Variants in MFN2 observed in about 807,000 individuals in gnomAD.
MFN2 encodes the protein mitofusin 2.
In MFN2, 43 loss-of-function variants were observed where a neutral mutation model predicts 87.5. The ratio of observed to expected loss-of-function variants is 0.49; its 90% confidence interval spans 0.38 to 0.63. The LOEUF is 0.63. Among genes scored for constraint, MFN2 ranks in the 30% least tolerant of loss-of-function variants. MFN2 has a pLI of 0.00. For missense variants in MFN2, 743 were observed against 972.8 expected (o/e 0.76, Z 3.14); for synonymous variants, 337 against 359.9 (o/e 0.94, Z 0.72).
chr1:12,005,075 C>A, intron 14 of MFN2, 148 bp downstream of exon 14: 2 of 716,006 alleles, frequency 2.8e-6, no homozygotes, highest in South Asian at 1.6e-5. Flanking sequence ...GGTACATGTT[C>A]TGAACTCATT....
At chr1:11,995,102 C>T (rs1410817043) in intron 4 of MFN2, among the ~76,000 whole-genome samples, 1 of 151,944 alleles carries the variant, frequency 6.6e-6, no homozygotes, top group South Asian at 2.1e-4. Context: ...ATTAGCTGGG[C>T]GTGGTCGCAG....
Position 12,004,946 on chromosome 1 carries a change from C to G in MFN2, c.1495+19C>G. On this transcript the variant is annotated intron_variant, in intron 14 of 18. Transcript: ENST00000235329. The surrounding 1 kb of genome is among the most constrained non-coding windows in gnomAD (Gnocchi z 4.2). Reference sequence around the variant, plus strand: ...ATGATAGGTTAGTGCCCATGGGGAACTGGGCAGCTGTGGCCCTGGGCTGCC... The same window carrying G: ...ATGATAGGTTAGTGCCCATGGGGAAGTGGGCAGCTGTGGCCCTGGGCTGCC... The G allele has an allele frequency of 3.2e-6, 5 of 1,584,170 alleles. No individual in the cohort carries two copies. The highest frequency in any genetic ancestry group is 4.3e-6 in the Non-Finnish European group (5 of 1,161,892).
intron 17 of MFN2, among the ~76,000 whole-genome samples, chr1:12,008,216 G>A (rs1218052599): frequency 1.3e-5 from 2 of 152,082 alleles, no homozygotes; most frequent in Admixed American, 6.5e-5. Context: ...TTTTCTATTC[G>A]ACAAAACCGC....
At chr1:11,997,218 G>A (rs1638950719) in intron 5 of MFN2, 79 bp from the exon 6 acceptor site, 8 of 1,595,744 alleles carry the variant, frequency 5.0e-6, no homozygotes, top group Admixed American at 1.7e-5. Context: ...CAGCCACTGT[G>A]CTGTGATGCA....
At chr1:12,011,018 C>T (rs140520672) in intron 18 of MFN2, among the ~76,000 whole-genome samples, 12 of 150,860 alleles carry the variant, frequency 8.0e-5, no homozygotes, top group Non-Finnish European at 1.6e-4. Context: ...CCCTCGACTG[C>T]GGATGTGCCC....
intron 2 of MFN2, among the ~76,000 whole-genome samples, chr1:11,986,032 G>A (rs873458): frequency 0.4 from 60,501 of 152,104 alleles, 14,936 homozygotes; most frequent in Non-Finnish European, 0.52. Context: ...ATGTAGAAAC[G>A]GAAGTGGGGT....
intron 3 of MFN2, 42 bp downstream of exon 3, chr1:11,989,385 T>C: frequency 6.2e-7 from 1 of 1,604,326 alleles, no homozygotes; most frequent in East Asian, 2.2e-5. Flanking sequence ...CTTACCTGTT[T>C]AGATATTTAG....
chr1:11,981,406 G>A (rs537146159), intron 1 of MFN2, among the ~76,000 whole-genome samples: 5 of 152,344 alleles, frequency 3.3e-5, no homozygotes, highest in African/African-American at 9.6e-5. Flanking sequence ...AGGAGGCTGA[G>A]GCAGGAGAAT....
At chr1:11,987,348 G>A (rs1331586745) in intron 2 of MFN2, among the ~76,000 whole-genome samples, 1 of 151,798 alleles carries the variant, frequency 6.6e-6, no homozygotes, top group African/African-American at 2.4e-5. Flanking sequence ...CAAAATGTTG[G>A]GCCGGGCGTG....
At position 11,996,260 on chromosome 1, in the gene MFN2, C is replaced by T. The variant is rs762169547; in HGVS notation, c.416C>T (p.Thr139Ile). 2 of 1,614,190 alleles carry T rather than the reference C, an allele frequency of 1.2e-6. No homozygotes were observed. The highest frequency in any genetic ancestry group is 1.7e-6 in the Non-Finnish European group (2 of 1,180,016). The change falls in exon 5 of 19, where the codon ACA becomes ATA. Residue 139 changes from threonine to isoleucine, a missense_variant. By Grantham distance (89) the Thr-to-Ile change is moderately conservative. Around this residue, in one of 3 missense-constraint regions of MFN2, gnomAD observed 141 missense variants for 278.9 expected, o/e 0.51. Coordinates refer to ENST00000235329, the MANE Select transcript of MFN2 (RefSeq NM_014874.4). ...AATTGCTTCCTGCGGGTAGAGGGCACAGATGGCCATGAGGCCTTTCTCCTT... is the reference window on the plus strand; with the variant it reads ...AATTGCTTCCTGCGGGTAGAGGGCATAGATGGCCATGAGGCCTTTCTCCTT... ...TTNCFLRVEG[T>I]DGHEAFLLTE...
chr1:11,992,424 G>T (rs1037096134), intron 3 of MFN2, 131 bp from the exon 4 acceptor site: 48 of 1,159,672 alleles, frequency 4.1e-5, no homozygotes, highest in Admixed American at 1.4e-4. Context: ...CTGGAGCTCA[G>T]CCTGTCGGCT....
At chr1:11,994,441 T>G (rs1252383102) in intron 4 of MFN2, among the ~76,000 whole-genome samples, 2 of 151,972 alleles carry the variant, frequency 1.3e-5, no homozygotes, top group East Asian at 3.9e-4. Context: ...ACAAAAAAAA[T>G]TAGCTGGGTG....
At chr1:12,009,750 A>G in intron 18 of MFN2, 24 bp downstream of exon 18, 3 of 1,613,978 alleles carry the variant, frequency 1.9e-6, no homozygotes, top group Non-Finnish European at 2.5e-6. Context: ...GTGTGGCCAA[A>G]GGTTAGGGCT....
chr1:12,008,501 T>G (rs1639535058), intron 17 of MFN2, among the ~76,000 whole-genome samples: 1 of 150,950 alleles, frequency 6.6e-6, no homozygotes. Flanking sequence ...GGGCGGCTGC[T>G]AGGCGGAGAC....
Position 12,003,643 on chromosome 1 carries a change from A to C in MFN2, c.1161-349A>C, listed in dbSNP as rs1016283105. Among the ~76,000 whole-genome samples the C allele has an allele frequency of 6.6e-6, 1 of 151,856 alleles. No individual in the cohort carries two copies. The highest frequency in any genetic ancestry group is 1.5e-5 in the Non-Finnish European group (1 of 67,972). On this transcript the variant is annotated intron_variant, in intron 11 of 18. Coordinates refer to ENST00000235329, the MANE Select transcript of MFN2 (RefSeq NM_014874.4). This position sits in a 1 kb window ranked among gnomAD's most constrained non-coding sequence, Gnocchi z 4.1. ...CGTGCCATTGCACTCCAGCCTGGGC[A>C]ACAAGAGTGAAACTCCATCTCAAAA...
intron 3 of MFN2, among the ~76,000 whole-genome samples, chr1:11,990,383 A>C (rs1158211238): frequency 2.0e-5 from 3 of 152,230 alleles, no homozygotes; most frequent in Non-Finnish European, 4.4e-5. Flanking sequence ...TAGTTGAAAT[A>C]ATCCCAACTC....
chr1:12,001,163 A>C (rs1285542169), intron 8 of MFN2, among the ~76,000 whole-genome samples: 1 of 152,122 alleles, frequency 6.6e-6, no homozygotes, highest in Non-Finnish European at 1.5e-5. Flanking sequence ...GGCGCCTGCC[A>C]CCATGCCTGG....
chr1:12,005,047 C>T (rs1054333465), intron 14 of MFN2, 120 bp downstream of exon 14: 52 of 806,460 alleles, frequency 6.4e-5, no homozygotes, highest in Non-Finnish European at 8.9e-5. Context: ...TGATTCAACT[C>T]GATACCTTCA....
chr1:11,985,393 C>A (rs1389985955), intron 2 of MFN2, among the ~76,000 whole-genome samples: 2 of 151,686 alleles, frequency 1.3e-5, no homozygotes, highest in African/African-American at 4.9e-5. Context: ...AATTTGAACC[C>A]AGCTCTGCCT....
Sources: allele counts gnomAD v4.1 joint callset (sites outside exome capture counted in the v4.1 genomes callset), GRCh38; gene constraint gnomAD v4.1.1; regional missense constraint gnomAD v4.1.1; non-coding constraint Gnocchi (gnomAD v3.1); transcripts MANE v1.5; gene names NCBI Gene and HGNC (gene_info 2026-07-23, HGNC 2026-07-21).